OR8J1: variants seen among roughly 807,000 people sequenced by gnomAD.
OR8J1 encodes olfactory receptor family 8 subfamily J member 1, also known as olfactory receptor 8J1.
For missense variants in OR8J1, 400 were observed against 373.0 expected, an observed-to-expected ratio of 1.07 and a Z score of -0.60; for synonymous variants, 157 against 144.3, an observed-to-expected ratio of 1.09 and a Z score of -0.63.
At chr11:56,358,144 C>A in intron 1 of OR8J1, 1 of 396,572 alleles carries the variant, frequency 2.5e-6, no homozygotes, top group South Asian at 3.7e-5. Flanking sequence ...CAGAATGTCC[C>A]TTGCTCAGAA....
intron 1 of OR8J1, among the ~76,000 whole-genome samples, chr11:56,358,575 AAG>A (rs1247321605): frequency 2.6e-5 from 4 of 152,158 alleles, no homozygotes; most frequent in Non-Finnish European, 5.9e-5. Flanking sequence ...GTTGAAGAAA[AAG>A]AAATTAAAAC....
rs770525794 is a variant in OR8J1 at position 56,360,223 on chromosome 11, A to T, written c.-20-4A>T. On this transcript the variant is annotated splice_region_variant and splice_polypyrimidine_tract_variant and intron_variant, in intron 1 of 1. Coordinates refer to ENST00000533152, the MANE Select transcript of OR8J1 (RefSeq NM_001005205.3). ...GTTTTTAACCTCTCTTTTCCCCCAA[A>T]CAGATGAATTTCCAAACTCTGACAT... 78 of 1,534,516 alleles carry T rather than the reference A, an allele frequency of 5.1e-5. 1 individual carries two copies. The highest frequency in any genetic ancestry group is 3.5e-4 in the Middle Eastern group (2 of 5,690).
rs771562317 is a variant in OR8J1 at position 56,360,805 on chromosome 11, T to C, written c.559T>C (p.Leu187=). Residue 187 remains leucine, a synonymous_variant, in exon 2 of 2, where the codon TTA becomes CTA. Transcript: ENST00000533152. ...CTGTGATAATGTTCCTCTGTTAGCATTATCTTGCTCTGATACTTACTTACC... is the reference window on the plus strand; with the variant it reads ...CTGTGATAATGTTCCTCTGTTAGCACTATCTTGCTCTGATACTTACTTACC... ...FYCDNVPLLA[L]SCSDTYLPET... 3 of 1,565,296 alleles carry C rather than the reference T, an allele frequency of 1.9e-6. No homozygotes were observed. The highest frequency in any genetic ancestry group is 2.2e-5 in the East Asian group (1 of 44,780).
chr11:56,358,029 C>G, intron 1 of OR8J1: 1 of 707,024 alleles, frequency 1.4e-6, no homozygotes, highest in Non-Finnish European at 2.4e-6. Flanking sequence ...TAACTCCAGA[C>G]ATGATGGAGG....
At position 56,360,932 on chromosome 11, in the gene OR8J1, G is replaced by C. The variant is rs1852630060; in HGVS notation, c.686G>C (p.Cys229Ser). ...FNIVLSILKI[C>S]SSEGRKKAFS... ...ATTGTTTTGTCTATTTTAAAAATATGTTCATCAGAAGGAAGGAAAAAAGCC... is the reference window on the plus strand; with the variant it reads ...ATTGTTTTGTCTATTTTAAAAATATCTTCATCAGAAGGAAGGAAAAAAGCC... The change falls in exon 2 of 2, where the codon TGT becomes TCT. Residue 229 changes from cysteine to serine, a missense_variant. By Grantham distance (112) the Cys-to-Ser change is moderately radical (BLOSUM62 -1). Transcript: ENST00000533152. 6.8e-7 allele frequency: 1 copy of C among 1,474,268 alleles called. No individual in the cohort carries two copies. Among genetic ancestry groups the C allele is most frequent in the Non-Finnish European group, 9.0e-7 (1 of 1,115,372 alleles). 91.3% of individuals were successfully genotyped at this position (1,474,268 alleles called of 1,614,324 possible). A position where few individuals can be genotyped will look rare whatever the true frequency, so the allele number is the denominator to read the frequency against.
At position 56,360,648 on chromosome 11, in the gene OR8J1, G is replaced by A. The variant is rs748015924; in HGVS notation, c.402G>A (p.Val134=). 2 of 1,611,726 alleles carry A rather than the reference G, an allele frequency of 1.2e-6. No homozygotes were observed. The highest frequency in any genetic ancestry group is 2.2e-5 in the South Asian group (2 of 90,892). The change falls in exon 2 of 2, where the codon GTG becomes GTA. Residue 134 remains valine, a synonymous_variant. Transcript: ENST00000533152. ...VAICNPLLYM[V]VVSRRLCLLL... The stretch of plus-strand genomic sequence containing the variant: ...TTTGTAACCCTCTGCTGTACATGGT[G>A]GTGGTGTCTCGGCGGCTCTGCCTCC...
chr11:56,359,664 T>C (rs1028364321), intron 1 of OR8J1, among the ~76,000 whole-genome samples: 4 of 152,116 alleles, frequency 2.6e-5, no homozygotes, highest in African/African-American at 9.7e-5. Flanking sequence ...CATATCTCCA[T>C]GTATTTTAGT....
rs185705155 is a variant in OR8J1 at position 56,357,323 on chromosome 11, C to T, written c.-20-2904C>T. 94 of 589,352 alleles carry T rather than the reference C, an allele frequency of 1.6e-4. 1 individual carries two copies. Among genetic ancestry groups the T allele is most frequent in the African/African-American group, 9.9e-4 (54 of 54,412 alleles). The allele number at this position is 589,352 out of a possible 1,614,324, so 36.5% of individuals were successfully genotyped here. ...GGATGCGGGCCTCTCTTCAGCAGGA[C>T]GGAGTTTGTTAAAGTTGTTAAGAGT... On this transcript the variant is annotated intron_variant, in intron 1 of 1. Coordinates refer to ENST00000533152, the MANE Select transcript of OR8J1 (RefSeq NM_001005205.3).
In OR8J1 at chr11:56,360,549, G is replaced by T; in HGVS notation, c.303G>T (p.Leu101=). The change falls in exon 2 of 2, where the codon CTG becomes CTT. Residue 101 remains leucine (L), a synonymous_variant. Coordinates refer to ENST00000533152, the MANE Select transcript of OR8J1 (RefSeq NM_001005205.3). ...CATTCTATGAATGTGCCACCCAACT[G>T]GGAGGGTTCTTGTTCTTTATTGTAT... ...TTSFYECATQ[L]GGFLFFIVSE... is the part of the protein sequence containing the mutation. The T allele has an allele frequency of 6.2e-7, 1 of 1,614,048 alleles. No individual in the cohort carries two copies. Among genetic ancestry groups the T allele is most frequent in the Non-Finnish European group, 8.5e-7 (1 of 1,179,998 alleles).
At chr11:56,355,732 G>A (rs1015861555) in intron 1 of OR8J1, among the ~76,000 whole-genome samples, 4 of 152,052 alleles carry the variant, frequency 2.6e-5, no homozygotes, top group Non-Finnish European at 2.9e-5. Context: ...ATCTTTCTAC[G>A]CTCTCAATTC....
intron 1 of OR8J1, chr11:56,357,889 G>T (rs1290917017): frequency 2.3e-6 from 2 of 871,278 alleles, no homozygotes; most frequent in Non-Finnish European, 3.8e-6. Flanking sequence ...GAAAGCAAGG[G>T]ATTTAATGCA....
intron 1 of OR8J1, chr11:56,357,322 A>T: frequency 3.4e-6 from 2 of 590,448 alleles, no homozygotes; most frequent in Admixed American, 4.7e-5. Flanking sequence ...CTTCAGCAGG[A>T]CGGAGTTTGT....
At position 56,356,767 on chromosome 11, in the gene OR8J1, C is replaced by A. The variant is rs557167566; in HGVS notation, c.-21+2442C>A. Among the ~76,000 whole-genome samples, 3 of 152,138 alleles carry A rather than the reference C, an allele frequency of 2.0e-5. No homozygotes were observed. The East Asian group carries it at 5.8e-4, about 29-fold the overall frequency. ...TAGATTGATGTTTCTCAAGCCTAAC[C>A]ACATCAATATCCTCCAGACTTAAAT... On this transcript the variant is annotated intron_variant, in intron 1 of 1. Transcript: ENST00000533152.
chr11:56,355,622 A>G (rs1038354605), intron 1 of OR8J1, among the ~76,000 whole-genome samples: 3 of 152,068 alleles, frequency 2.0e-5, no homozygotes, highest in African/African-American at 7.2e-5. Context: ...AGGGAGACTC[A>G]GTCTCAAAAA....
Position 56,360,815 on chromosome 11 carries a change from C to T in OR8J1, c.569C>T (p.Ser190Phe). Residue 190 changes from serine to phenylalanine, a missense_variant, in exon 2 of 2, where the codon TCT (serine) becomes TTT (phenylalanine). By Grantham distance (155) the Ser-to-Phe change is radical. Transcript: ENST00000533152. ...GTTCCTCTGTTAGCATTATCTTGCT[C>T]TGATACTTACTTACCAGAAACAGTT... The part of the protein sequence containing the change: ...DNVPLLALSC[S>F]DTYLPETVVF... 1 of 1,544,296 alleles carries T rather than the reference C, an allele frequency of 6.5e-7. No homozygotes were observed. Among genetic ancestry groups the T allele is most frequent in the African/African-American group, 1.4e-5 (1 of 72,240 alleles).
rs149645647 is a variant in OR8J1 at position 56,361,145 on chromosome 11, C to A, written c.899C>A (p.Thr300Asn). 24 of 1,468,396 alleles carry A rather than the reference C, an allele frequency of 1.6e-5. No homozygotes were observed. The highest frequency in any genetic ancestry group is 2.1e-5 in the Non-Finnish European group (24 of 1,116,572). The allele number at this position is 1,468,396 out of a possible 1,614,324, so 91.0% of individuals were successfully genotyped here. A position where few individuals can be genotyped will look rare whatever the true frequency, so the allele number is the denominator to read the frequency against. Reference sequence around the variant, plus strand: ...AGCCTGAGGAATAAGGATGTGAAGACTGCTCTACAGAGATTCATGACAAAT... The same window carrying A: ...AGCCTGAGGAATAAGGATGTGAAGAATGCTCTACAGAGATTCATGACAAAT... Reference protein sequence around the residue: ...IYSLRNKDVKTALQRFMTNLC... With the variant: ...IYSLRNKDVKNALQRFMTNLC... Residue 300 changes from threonine to asparagine, a missense_variant, in exon 2 of 2, where the codon ACT becomes AAT. By Grantham distance (65) the Thr-to-Asn change is moderately conservative (BLOSUM62 0). Coordinates refer to ENST00000533152, the MANE Select transcript of OR8J1 (RefSeq NM_001005205.3).
At position 56,360,659 on chromosome 11, in the gene OR8J1, G is replaced by A. The variant is rs763001322; in HGVS notation, c.413G>A (p.Arg138Gln). The A allele has an allele frequency of 5.0e-6, 8 of 1,611,130 alleles. No individual in the cohort carries two copies. The South Asian group carries it at 5.5e-5, about 11-fold the overall frequency. The change falls in exon 2 of 2, where the codon CGG (arginine) becomes CAG (glutamine). Residue 138 changes from arginine (R) to glutamine (Q), a missense_variant. Arg to Gln is a conservative substitution (Grantham distance 43, BLOSUM62 1). Coordinates refer to ENST00000533152, the MANE Select transcript of OR8J1 (RefSeq NM_001005205.3). ...CTGCTGTACATGGTGGTGGTGTCTC[G>A]GCGGCTCTGCCTCCTGCTGGTCTCC... ...NPLLYMVVVSRRLCLLLVSLT... is the reference protein window; with the variant it reads ...NPLLYMVVVSQRLCLLLVSLT...
At chr11:56,357,684 G>A in intron 1 of OR8J1, 1 of 1,582,750 alleles carries the variant, frequency 6.3e-7, no homozygotes. Flanking sequence ...GATCTATGAA[G>A]GCCAAGTGGA....
At chr11:56,354,505 G>A (rs1854941629) in intron 1 of OR8J1, among the ~76,000 whole-genome samples, 180 bp downstream of exon 1, 1 of 152,040 alleles carries the variant, frequency 6.6e-6, no homozygotes, top group Non-Finnish European at 1.5e-5. Flanking sequence ...GGAATAGAGG[G>A]CATCAAATAT....
Sources: gnomAD v4.1 joint callset for allele counts (sites outside exome capture counted in the v4.1 genomes callset) on GRCh38, gnomAD v4.1.1 for gene constraint, MANE v1.5 for transcripts, NCBI Gene and HGNC (gene_info 2026-07-23, HGNC 2026-07-21) for gene names.